LPP: variants seen among roughly 807,000 people sequenced by gnomAD.
LPP encodes LIM domain containing preferred translocation partner in lipoma.
Under a neutral mutation model 60.4 loss-of-function variants are expected in LPP, and 38 were observed. The observed-to-expected ratio is 0.63, with a 90% CI of 0.49 to 0.83. LPP has a LOEUF of 0.83. Among genes scored for constraint, LPP ranks in the 40% least tolerant of loss-of-function variants. LPP has a pLI of 0.00. For synonymous variants in LPP, 328 were observed against 290.8 expected, an observed-to-expected ratio of 1.13 and a Z score of -1.30; for missense variants, 902 against 783.6, an observed-to-expected ratio of 1.15 and a Z score of -1.80.
intron 7 of LPP, among the ~76,000 whole-genome samples, chr3:188,662,564 T>C (rs1854826870): frequency 6.6e-6 from 1 of 152,244 alleles, no homozygotes; most frequent in Non-Finnish European, 1.5e-5. Context: ...TACTTTGGAC[T>C]TACTGTTTAA....
At chr3:188,340,503 A>G (rs1165726609) in intron 2 of LPP, among the ~76,000 whole-genome samples, 1 of 150,164 alleles carries the variant, frequency 6.7e-6, no homozygotes, top group African/African-American at 2.5e-5. Context: ...TAAACGGGAC[A>G]TTTTATCAAA....
At chr3:188,501,182 G>T (rs1811733574) in intron 5 of LPP, among the ~76,000 whole-genome samples, 1 of 151,892 alleles carries the variant, frequency 6.6e-6, no homozygotes, top group South Asian at 2.1e-4. Context: ...AAATTTAATG[G>T]TGTATAGCTA....
intron 4 of LPP, among the ~76,000 whole-genome samples, chr3:188,423,795 G>C (rs1273188593): frequency 2.6e-5 from 4 of 151,820 alleles, no homozygotes; most frequent in Admixed American, 2.6e-4. Context: ...CTTTTTGATG[G>C]CATTGTTTGT....
chr3:188,659,460 G>A lies in LPP; in HGVS notation c.1114-48807G>A, dbSNP rs1378792593. Among the ~76,000 whole-genome samples, 3 of 152,172 alleles carry A rather than the reference G, an allele frequency of 2.0e-5. No homozygotes were observed. The East Asian group carries it at 5.8e-4, about 29-fold the overall frequency. ...ATATAGTTATCTGTGTAGTTAACTA[G>A]CTGCTAACAAAGGAATCCAGGGTGG... On this transcript the variant is annotated intron_variant, in intron 7 of 11. Coordinates refer to ENST00000617246, the MANE Select transcript of LPP (RefSeq NM_001375462.1).
chr3:188,544,016 A>T lies in LPP; in HGVS notation c.429+19229A>T, dbSNP rs190721051. On this transcript the variant is annotated intron_variant, in intron 6 of 11. Transcript: ENST00000617246. ...AAGAATAGAATCTGGAAGGAGTAAC[A>T]GGTAATGAAAGGTACTAACAGATGT... Among the ~76,000 whole-genome samples the T allele has an allele frequency of 2.4e-3, 368 of 152,332 alleles. 3 individuals are homozygous for T. Among genetic ancestry groups the T allele is most frequent in the Non-Finnish European group, 1.2e-3 (79 of 68,042 alleles).
chr3:188,614,252 A>C (rs928552854), intron 7 of LPP, among the ~76,000 whole-genome samples: 3 of 152,068 alleles, frequency 2.0e-5, no homozygotes, highest in Non-Finnish European at 4.4e-5. Flanking sequence ...TGAAAAGAGA[A>C]AGTTATATAC....
At chr3:188,514,192 T>A (rs1417854457) in intron 5 of LPP, among the ~76,000 whole-genome samples, 1 of 152,058 alleles carries the variant, frequency 6.6e-6, no homozygotes, top group Non-Finnish European at 1.5e-5. Context: ...TCAGGGCAGA[T>A]CTGTGGCTGA....
rs142400690 is a variant in LPP, at chr3:188,247,994, T to C, written c.-67+22467T>C. On this transcript the variant is annotated intron_variant, in intron 2 of 11. Transcript: ENST00000617246. ...TACAATGCTCATCTCAGTCACAGTG[T>C]CTGTGGGTGAGACCCAAGCTCAGTT... Among the ~76,000 whole-genome samples, 1,128 of 152,214 alleles carry C rather than the reference T, an allele frequency of 7.4e-3. 11 individuals carry two copies. The highest frequency in any genetic ancestry group is 0.014 in the South Asian group (67 of 4,820).
chr3:188,247,062 G>C, intron 2 of LPP: 1 of 300,820 alleles, frequency 3.3e-6, no homozygotes, highest in South Asian at 1.3e-4. Context: ...GTGGAGACCT[G>C]TGTGTGACTG....
intron 7 of LPP, among the ~76,000 whole-genome samples, chr3:188,633,687 G>A (rs1193339538): frequency 6.6e-6 from 1 of 152,102 alleles, no homozygotes; most frequent in Non-Finnish European, 1.5e-5. Flanking sequence ...GCCAAATGGA[G>A]GTAATACAGT....
chr3:188,594,899 T>C (rs1360114807), intron 6 of LPP, among the ~76,000 whole-genome samples: 2 of 152,190 alleles, frequency 1.3e-5, no homozygotes, highest in Non-Finnish European at 2.9e-5. Context: ...TATTCACATA[T>C]AGGACTTTTA....
chr3:188,324,536 C>G (rs1044653357), intron 2 of LPP, among the ~76,000 whole-genome samples: 3 of 152,206 alleles, frequency 2.0e-5, no homozygotes, highest in African/African-American at 7.2e-5. Context: ...AACTACTTCT[C>G]CTGCTCAGAG....
rs142754288 is a variant in LPP at position 188,746,059 on chromosome 3, G to A, written c.1241-14054G>A. Among the ~76,000 whole-genome samples the A allele has an allele frequency of 3.6e-3, 541 of 152,078 alleles. 1 individual carries two copies. The highest frequency in any genetic ancestry group is 0.013 in the African/African-American group (523 of 41,468). On this transcript the variant is annotated intron_variant, in intron 8 of 11. Transcript: ENST00000617246. ...CATCTAAGTTTTTTTCTTTAATAAT[G>A]ATCTTCTCTTTTCTTTAAGAGACAC...
At chr3:188,856,289 A>G (rs1415146440) in intron 9 of LPP, among the ~76,000 whole-genome samples, 1 of 152,206 alleles carries the variant, frequency 6.6e-6, no homozygotes, top group East Asian at 1.9e-4. Context: ...GGCAAGAAAA[A>G]TTACCTGCTG....
At chr3:188,259,534 C>T (rs1042587516) in intron 2 of LPP, among the ~76,000 whole-genome samples, 1 of 152,202 alleles carries the variant, frequency 6.6e-6, no homozygotes, top group Non-Finnish European at 1.5e-5. Flanking sequence ...TGTAGAACTT[C>T]TCACATTGTA....
chr3:188,249,898 TA>T (rs745598481), intron 2 of LPP, among the ~76,000 whole-genome samples: 5,142 of 130,356 alleles, frequency 0.039, 140 homozygotes, highest in African/African-American at 0.055. Context: ...TATATATATA[TA>T]TATTTTTTTT....
At chr3:188,505,999 A>G (rs1178076406) in intron 5 of LPP, among the ~76,000 whole-genome samples, 2 of 152,142 alleles carry the variant, frequency 1.3e-5, no homozygotes, top group Non-Finnish European at 2.9e-5. Context: ...TGAAGCTCAT[A>G]TCGTCATTGT....
intron 9 of LPP, among the ~76,000 whole-genome samples, chr3:188,841,118 C>A (rs532419703): frequency 6.6e-6 from 1 of 152,258 alleles, no homozygotes; most frequent in Non-Finnish European, 1.5e-5. Flanking sequence ...TTAAGACCAG[C>A]CAATTGATAG....
intron 6 of LPP, among the ~76,000 whole-genome samples, chr3:188,581,579 C>T (rs1836131226): frequency 6.6e-6 from 1 of 152,052 alleles, no homozygotes; most frequent in Non-Finnish European, 1.5e-5. Context: ...ACAAGTGGCT[C>T]AACTCTCTCC....
Sources: gnomAD v4.1 joint callset for allele counts (sites outside exome capture counted in the v4.1 genomes callset) on GRCh38, gnomAD v4.1.1 for gene constraint, MANE v1.5 for transcripts, NCBI Gene and HGNC (gene_info 2026-07-23, HGNC 2026-07-21) for gene names.